The following GRB2 variants were observed in gnomAD, a reference collection of about 807,000 sequenced individuals.
The protein encoded by GRB2 is growth factor receptor bound protein 2, also known as growth factor receptor-bound protein 2.
GRB2 carries 2 observed loss-of-function variants against 27.4 expected under a neutral mutation model. The observed-to-expected ratio is 0.07, with a 90% CI of 0.03 to 0.23. GRB2 has a LOEUF of 0.23. GRB2 is among the 10% of genes least tolerant of loss of function. GRB2 has a pLI of 1.00. For synonymous variants in GRB2, 94 were observed against 99.6 expected (o/e 0.94, Z 0.33); for missense variants, 102 against 282.4 (o/e 0.36, Z 4.58).
intron 2 of GRB2, among the ~76,000 whole-genome samples, chr17:75,353,257 CA>C (rs1302724696): frequency 6.6e-6 from 1 of 151,850 alleles, no homozygotes; most frequent in East Asian, 1.9e-4. Flanking sequence ...TGCATATACC[CA>C]AATCTGTGCA....
At chr17:75,397,954 G>A (rs1020780968) in intron 1 of GRB2, among the ~76,000 whole-genome samples, 14 of 151,278 alleles carry the variant, frequency 9.3e-5, no homozygotes, top group Non-Finnish European at 8.8e-5. Context: ...CAATTCTCCT[G>A]CCTCGACCTC....
intron 1 of GRB2, among the ~76,000 whole-genome samples, chr17:75,402,558 A>AG (rs1329135112): frequency 7.9e-5 from 12 of 152,218 alleles, no homozygotes; most frequent in Non-Finnish European, 1.6e-4. Context: ...TGGTAACAAC[A>AG]GTTTTGATCC....
Position 75,324,579 on chromosome 17 carries a change from G to A in GRB2, c.299+1319C>T, listed in dbSNP as rs1238937878. Among the ~76,000 whole-genome samples the A allele has an allele frequency of 5.2e-5, 7 of 133,904 alleles. No homozygotes were observed. The East Asian group carries it at 1.5e-3, about 28-fold the overall frequency. The allele number at this position is 133,904 out of a possible 152,430, so 87.8% of individuals were successfully genotyped here. A position where few individuals can be genotyped will look rare whatever the true frequency, so the allele number is the denominator to read the frequency against. On this transcript the variant is annotated intron_variant, in intron 4 of 5. Transcript: ENST00000316804. ...TTCGCCCAGGCTAAAGTGCAATGGC[G>A]CCATCTCGCCTCACTACAACCTCCG...
chr17:75,369,481 G>T, intron 2 of GRB2, among the ~76,000 whole-genome samples: 1 of 152,106 alleles, frequency 6.6e-6, no homozygotes, highest in East Asian at 1.9e-4. Context: ...TTCCTTTGCT[G>T]CTCTGAGCTC....
At chr17:75,395,720 A>G (rs142586521) in intron 1 of GRB2, among the ~76,000 whole-genome samples, 1 of 152,228 alleles carries the variant, frequency 6.6e-6, no homozygotes, top group East Asian at 1.9e-4. Flanking sequence ...AAAGGTGAAG[A>G]TTTAGTTTCC....
At chr17:75,325,396 C>A (rs1346834628) in intron 4 of GRB2, among the ~76,000 whole-genome samples, 1 of 152,208 alleles carries the variant, frequency 6.6e-6, no homozygotes, top group Non-Finnish European at 1.5e-5. Flanking sequence ...AACTTCCTGT[C>A]TTCTCCATTC....
intron 2 of GRB2, among the ~76,000 whole-genome samples, chr17:75,370,427 G>A (rs748403697): frequency 6.6e-5 from 10 of 152,152 alleles, no homozygotes; most frequent in Non-Finnish European, 1.0e-4. Flanking sequence ...TATCTTGTTC[G>A]GTTTGGATAC....
At chr17:75,404,810 C>A (rs2079088127) in intron 1 of GRB2, 1 of 152,156 alleles carries the variant, frequency 6.6e-6, no homozygotes, top group South Asian at 2.1e-4. Flanking sequence ...GAAAAACTTT[C>A]TAAACAAGCC....
chr17:75,337,869 T>TTTTACC (rs1339995740), intron 2 of GRB2, among the ~76,000 whole-genome samples: 1 of 104,460 alleles, frequency 9.6e-6, no homozygotes, highest in Non-Finnish European at 1.9e-5. Context: ...CCCGGCCTAC[T>TTTTACC]ATTACTACTA....
In GRB2 at chr17:75,353,155, A is replaced by G. The variant is rs554333098; in HGVS notation, c.79-20358T>C. ...AGCCGAGATCGCGCCACTGCACTTC[A>G]GCCTGGGCGACAGAGCAAGACTCCG... On this transcript the variant is annotated intron_variant, in intron 2 of 5. Transcript: ENST00000316804. 4.1e-4 allele frequency among the ~76,000 whole-genome samples: 61 copies of G among 147,500 alleles called. 1 individual carries two copies. In the South Asian group the frequency reaches 9.2e-3, roughly 22 times the overall value.
chr17:75,397,863 A>G (rs2079038136), intron 1 of GRB2, among the ~76,000 whole-genome samples: 1 of 131,284 alleles, frequency 7.6e-6, no homozygotes, highest in African/African-American at 3.4e-5. Context: ...ATTTTTTGAG[A>G]CAGCATCTAG....
intron 2 of GRB2, among the ~76,000 whole-genome samples, chr17:75,381,993 G>C (rs566790457): frequency 5.3e-5 from 8 of 152,206 alleles, no homozygotes; most frequent in Non-Finnish European, 7.4e-5. Context: ...GGGAGGCTGA[G>C]GCGGGTGGAT....
chr17:75,359,811 T>C lies in GRB2; in HGVS notation c.79-27014A>G, dbSNP rs115128456. Among the ~76,000 whole-genome samples the C allele has an allele frequency of 2.9e-3, 445 of 152,286 alleles. 3 individuals carry two copies. The highest frequency in any genetic ancestry group is 0.01 in the African/African-American group (419 of 41,564). On this transcript the variant is annotated intron_variant, in intron 2 of 5. Transcript: ENST00000316804. ...TTTCTTCCCACCACTGAACCATGTA[T>C]ACCTGTCTCAATATACTCTTTTCTC...
chr17:75,352,049 A>T (rs896894410), intron 2 of GRB2, among the ~76,000 whole-genome samples: 3 of 152,242 alleles, frequency 2.0e-5, no homozygotes, highest in Non-Finnish European at 2.9e-5. Context: ...AATCGGAGAC[A>T]AATATAACTA....
rs1168025543 is a variant in GRB2 at position 75,320,906 on chromosome 17, C to T, written c.469-353G>A. On this transcript the variant is annotated intron_variant, in intron 5 of 5. Coordinates refer to ENST00000316804, the MANE Select transcript of GRB2 (RefSeq NM_002086.5). This position sits in a 1 kb window ranked among gnomAD's most constrained non-coding sequence, Gnocchi z 4.3. ...GTGGGCCCAGAATCGCAAATCCCTTCTACGACACCCTTAAGGTATTAAAGC... is the reference window on the plus strand; with the variant it reads ...GTGGGCCCAGAATCGCAAATCCCTTTTACGACACCCTTAAGGTATTAAAGC... 6.6e-6 allele frequency among the ~76,000 whole-genome samples: 1 copy of T among 152,170 alleles called. No individual in the cohort carries two copies. The highest frequency in any genetic ancestry group is 2.4e-5 in the African/African-American group (1 of 41,440).
At chr17:75,329,385 A>G (rs933858422) in intron 3 of GRB2, among the ~76,000 whole-genome samples, 1 of 152,144 alleles carries the variant, frequency 6.6e-6, no homozygotes, top group African/African-American at 2.4e-5. Context: ...CGGTTCTAAC[A>G]CTTAGGTTTC....
At chr17:75,340,474 T>C (rs1301892572) in intron 2 of GRB2, among the ~76,000 whole-genome samples, 1 of 152,192 alleles carries the variant, frequency 6.6e-6, no homozygotes, top group Non-Finnish European at 1.5e-5. Context: ...TCAAGAATTC[T>C]AGTGACATCT....
At chr17:75,363,931 T>C (rs1236486525) in intron 2 of GRB2, among the ~76,000 whole-genome samples, 2 of 150,058 alleles carry the variant, frequency 1.3e-5, no homozygotes, top group African/African-American at 4.9e-5. Flanking sequence ...CTTTTTGATA[T>C]TGTTCTAACT....
At chr17:75,355,816 CTTT>C (rs1170570570) in intron 2 of GRB2, among the ~76,000 whole-genome samples, 7 of 115,724 alleles carry the variant, frequency 6.0e-5, no homozygotes, top group Non-Finnish European at 1.1e-4. Context: ...TTCCTTTCTT[CTTT>C]TTTTTTTTTT....
Sources: gnomAD v4.1 joint callset for allele counts (sites outside exome capture counted in the v4.1 genomes callset) on GRCh38, gnomAD v4.1.1 for gene constraint, Gnocchi (gnomAD v3.1) non-coding constraint, MANE v1.5 for transcripts, NCBI Gene and HGNC (gene_info 2026-07-23, HGNC 2026-07-21) for gene names.